ARID1B: variants seen among roughly 807,000 people sequenced by gnomAD.
The protein encoded by ARID1B is AT-rich interaction domain 1B.
Under a neutral mutation model 212.3 loss-of-function variants are expected in ARID1B, and 30 were observed. The ratio of observed to expected loss-of-function variants is 0.14; its 90% confidence interval spans 0.11 to 0.19. ARID1B has a LOEUF of 0.19. Ranked by LOEUF, ARID1B falls within the 10% of genes least tolerant of loss-of-function variation. ARID1B has a pLI of 1.00. For synonymous variants in ARID1B, 1,402 were observed against 1,301.7 expected (o/e 1.08, Z -1.66); for missense variants, 2,891 against 3,204.0 (o/e 0.90, Z 2.36).
chr6:156,917,544 CTT>C (rs1268807605), intron 3 of ARID1B, among the ~76,000 whole-genome samples: 1 of 152,142 alleles, frequency 6.6e-6, no homozygotes, highest in Non-Finnish European at 1.5e-5. Flanking sequence ...ATGAGGAAGA[CTT>C]TGCTGGTGAG....
chr6:156,935,470 T>C lies in ARID1B; in HGVS notation c.2141T>C (p.Met714Thr), dbSNP rs767255855. Residue 714 changes from methionine (M) to threonine (T), a missense_variant, in exon 4 of 20, where the codon ATG becomes ACG. Met to Thr is a moderately conservative substitution (Grantham distance 81). Around this residue, in one of 7 missense-constraint regions of ARID1B, gnomAD observed 1,643 missense variants for 1,544.0 expected, o/e 1.06. Coordinates refer to ENST00000636930, the MANE Select transcript of ARID1B (RefSeq NM_001374828.1). Reference protein sequence around the residue: ...SQQRYQPQQDMSQEGYGTRSQ... With the variant: ...SQQRYQPQQDTSQEGYGTRSQ... ...TGTGTTTGTGTTTTTTTTTAGGACA[T>C]GTCTCAGGAAGGCTATGGAACTAGA... 1.9e-6 allele frequency: 3 copies of C among 1,609,922 alleles called. No individual in the cohort carries two copies. Among genetic ancestry groups the C allele is most frequent in the Admixed American group, 3.3e-5 (2 of 59,832 alleles).
In ARID1B at chr6:157,201,464, C is replaced by G. The variant is rs1554236040; in HGVS notation, c.5239C>G (p.Arg1747Gly). 3 of 1,507,134 alleles carry G rather than the reference C, an allele frequency of 2.0e-6. No homozygotes were observed. The highest frequency in any genetic ancestry group is 2.7e-6 in the Non-Finnish European group (3 of 1,126,824). The allele number at this position is 1,507,134 out of a possible 1,614,324, so 93.4% of individuals were successfully genotyped here. A position where few individuals can be genotyped will look rare whatever the true frequency, so the allele number is the denominator to read the frequency against. Reference protein sequence around the residue: ...EASQPVLKQRRKITSKDIVTP... With the variant: ...EASQPVLKQRGKITSKDIVTP... ...ATCACAACCAGTCTTGAAACAAAGGCGAAAGATTACCTCCAAAGATATCGG... is the reference window on the plus strand; with the variant it reads ...ATCACAACCAGTCTTGAAACAAAGGGGAAAGATTACCTCCAAAGATATCGG... Residue 1747 changes from arginine to glycine, a missense_variant, in exon 18 of 20, where the codon CGA becomes GGA. By Grantham distance (125) the Arg-to-Gly change is moderately radical. Coordinates refer to ENST00000636930, the MANE Select transcript of ARID1B (RefSeq NM_001374828.1). The surrounding 1 kb of genome is among the most constrained non-coding windows in gnomAD (Gnocchi z 5.2).
chr6:157,110,089 T>C (rs1021544266), intron 5 of ARID1B, among the ~76,000 whole-genome samples: 1 of 152,228 alleles, frequency 6.6e-6, no homozygotes, highest in South Asian at 2.1e-4. Context: ...TGAGTAATTG[T>C]TGGCCACTCT....
intron 1 of ARID1B, among the ~76,000 whole-genome samples, chr6:156,816,668 C>T (rs1052688188): frequency 2.6e-5 from 4 of 152,288 alleles, no homozygotes; most frequent in Admixed American, 2.6e-4. Flanking sequence ...GTTTACAGGG[C>T]AGCCACAGCT....
intron 8 of ARID1B, among the ~76,000 whole-genome samples, chr6:157,164,900 G>A (rs1215969831): frequency 6.6e-6 from 1 of 152,224 alleles, no homozygotes; most frequent in Non-Finnish European, 1.5e-5. Flanking sequence ...GGCAGTCACT[G>A]ACATGGAAGT....
intron 6 of ARID1B, among the ~76,000 whole-genome samples, chr6:157,122,952 G>A (rs921495331): frequency 1.3e-5 from 2 of 152,138 alleles, no homozygotes; most frequent in Non-Finnish European, 2.9e-5. Flanking sequence ...AAAGTACTGG[G>A]ATTACAGGCA....
chr6:156,975,199 T>C (rs1777149520), intron 4 of ARID1B, among the ~76,000 whole-genome samples: 1 of 152,234 alleles, frequency 6.6e-6, no homozygotes, highest in Non-Finnish European at 1.5e-5. Context: ...CGTGGCCATT[T>C]TTGTGGATGT....
chr6:157,153,904 T>C (rs1209382570), intron 8 of ARID1B, among the ~76,000 whole-genome samples: 6 of 152,180 alleles, frequency 3.9e-5, no homozygotes, highest in Admixed American at 3.9e-4. Flanking sequence ...CCTCCCAAAG[T>C]GCTGGGATTA....
chr6:156,808,740 T>C (rs182248057), intron 1 of ARID1B, among the ~76,000 whole-genome samples: 179 of 152,364 alleles, frequency 1.2e-3, no homozygotes, highest in Admixed American at 1.8e-3. Context: ...TATTCATTAG[T>C]TGTGCACATT....
At chr6:157,067,347 G>A (rs572648757) in intron 4 of ARID1B, among the ~76,000 whole-genome samples, 28 of 152,222 alleles carry the variant, frequency 1.8e-4, no homozygotes, top group African/African-American at 6.3e-4. Context: ...GCCAGGCAGG[G>A]TCACTGTGAC....
chr6:157,060,312 A>T (rs1783257214), intron 4 of ARID1B, among the ~76,000 whole-genome samples: 1 of 152,248 alleles, frequency 6.6e-6, no homozygotes, highest in East Asian at 1.9e-4. Flanking sequence ...GTAATAGGGT[A>T]TAGTAGACAT....
chr6:157,041,494 T>C (rs987658877), intron 4 of ARID1B, among the ~76,000 whole-genome samples: 12 of 152,224 alleles, frequency 7.9e-5, no homozygotes, highest in Non-Finnish European at 1.3e-4. Context: ...TCTTAAGAAA[T>C]CTTACTAATC....
intron 4 of ARID1B, among the ~76,000 whole-genome samples, chr6:156,954,215 T>TA (rs1370396218): frequency 1.3e-5 from 2 of 152,080 alleles, no homozygotes; most frequent in Admixed American, 1.3e-4. Context: ...TTTTTTTTTT[T>TA]AATGTATGAG....
In ARID1B at chr6:156,778,172, C is replaced by G; in HGVS notation, c.492C>G (p.His164Gln). The G allele has an allele frequency of 1.3e-6, 2 of 1,542,152 alleles. No homozygotes were observed. Among genetic ancestry groups the G allele is most frequent in the Non-Finnish European group, 1.7e-6 (2 of 1,146,682 alleles). The change falls in exon 1 of 20, where the codon CAC (histidine) becomes CAG (glutamine). Residue 164 changes from histidine to glutamine, a missense_variant. Around this residue, in one of 7 missense-constraint regions of ARID1B, gnomAD observed 1,643 missense variants for 1,544.0 expected, o/e 1.06. Transcript: ENST00000636930. The stretch of plus-strand genomic sequence containing the variant: ...GCGAAGCCCCCGCCGCGCCGCCCCA[C>G]CAGCAGCACCACCACCACCACCATG... ...TVGEAPAAPP[H>Q]QQHHHHHHAH...
At chr6:156,880,718 C>T (rs1786986390) in intron 2 of ARID1B, among the ~76,000 whole-genome samples, 1 of 127,266 alleles carries the variant, frequency 7.9e-6, no homozygotes, top group African/African-American at 3.1e-5. Context: ...CCAGCCTGGG[C>T]CACGGAGCGA....
chr6:157,160,935 C>T (rs1239222385), intron 8 of ARID1B, among the ~76,000 whole-genome samples: 1 of 152,194 alleles, frequency 6.6e-6, no homozygotes, highest in African/African-American at 2.4e-5. Context: ...CAGACCTCTC[C>T]AAGCCACGCA....
chr6:156,861,421 C>T (rs559360816), intron 2 of ARID1B, among the ~76,000 whole-genome samples: 1 of 151,872 alleles, frequency 6.6e-6, no homozygotes, highest in Non-Finnish European at 1.5e-5. Flanking sequence ...GCAGCCTGGG[C>T]AACATGGCAA....
At chr6:157,069,752 A>G (rs145343155) in intron 4 of ARID1B, among the ~76,000 whole-genome samples, 26 of 152,336 alleles carry the variant, frequency 1.7e-4, no homozygotes, top group African/African-American at 5.8e-4. Context: ...ACTAATGATC[A>G]TGAGTGGTAG....
intron 2 of ARID1B, among the ~76,000 whole-genome samples, chr6:156,836,562 C>T (rs1342944361): frequency 6.6e-6 from 1 of 152,222 alleles, no homozygotes; most frequent in Non-Finnish European, 1.5e-5. Flanking sequence ...CTGGATCTCA[C>T]TGTGCTCCTC....
Sources: allele counts gnomAD v4.1 joint callset (sites outside exome capture counted in the v4.1 genomes callset), GRCh38; gene constraint gnomAD v4.1.1; regional missense constraint gnomAD v4.1.1; non-coding constraint Gnocchi (gnomAD v3.1); transcripts MANE v1.5; gene names NCBI Gene and HGNC (gene_info 2026-07-23, HGNC 2026-07-21).